The following MKNK2 variants were observed in gnomAD, a reference collection of about 807,000 sequenced individuals.
MKNK2 encodes MAP kinase-interacting serine/threonine-protein kinase 2.
In MKNK2, 54 loss-of-function variants were observed where a neutral mutation model predicts 55.0. That is an observed-to-expected ratio of 0.98 (90% confidence interval 0.79 to 1.23). MKNK2 has a LOEUF of 1.23. Among genes scored for constraint, MKNK2 ranks in the 50% most tolerant of loss-of-function variants. The pLI is 0.00. For missense variants in MKNK2, 685 were observed against 632.1 expected (o/e 1.08, Z -0.90); for synonymous variants, 323 against 256.0 (o/e 1.26, Z -2.50).
At chr19:2,050,729 G>A in intron 2 of MKNK2, 72 bp downstream of exon 2, 25 of 1,420,936 alleles carry the variant, frequency 1.8e-5, no homozygotes, top group Non-Finnish European at 2.4e-5. Context: ...TTAGGGGCGG[G>A]CCCCGCGCCC....
At chr19:2,042,354 G>T (rs1359521261) in intron 10 of MKNK2, 73 bp downstream of exon 10, 2 of 1,332,278 alleles carry the variant, frequency 1.5e-6, no homozygotes, top group African/African-American at 1.5e-5. Context: ...GCTGCTGGAT[G>T]GCCCAGGCTC....
At chr19:2,043,706 G>A in intron 5 of MKNK2, 124 bp from the exon 6 acceptor site, 4 of 884,782 alleles carry the variant, frequency 4.5e-6, no homozygotes, top group Non-Finnish European at 7.2e-6. Context: ...CTAGAAAGCA[G>A]GGCTCACGCC....
intron 2 of MKNK2, among the ~76,000 whole-genome samples, chr19:2,048,431 C>A (rs1189112159): frequency 6.6e-6 from 1 of 152,102 alleles, no homozygotes. Flanking sequence ...GCTGGGGAAC[C>A]GAGGCCCGGT....
intron 5 of MKNK2, among the ~76,000 whole-genome samples, chr19:2,045,044 CCTCT>C (rs1916430619): frequency 6.6e-6 from 1 of 152,154 alleles, no homozygotes; most frequent in Non-Finnish European, 1.5e-5. Flanking sequence ...CAGCGATTCG[CCTCT>C]CTGACTCGCC....
At chr19:2,043,833 G>A (rs1210818918) in intron 5 of MKNK2, among the ~76,000 whole-genome samples, 1 of 152,066 alleles carries the variant, frequency 6.6e-6, no homozygotes, top group Non-Finnish European at 1.5e-5. Flanking sequence ...AATTAGCTGG[G>A]TGTGGTGGTA....
rs139225148 is a variant in MKNK2, at chr19:2,039,478, C to T, written c.*135G>A. ...GCAAAAACCTTCTATAAAACACCCC[C>T]CTCAGCTGAGCTTAGTGCCTGGGAA... On this transcript the variant is annotated 3_prime_UTR_variant, in exon 14 of 14. Transcript: ENST00000250896. The T allele has an allele frequency of 3.6e-5, 51 of 1,420,176 alleles. No homozygotes were observed. The highest frequency in any genetic ancestry group is 4.4e-5 in the Non-Finnish European group (48 of 1,087,604). The allele number at this position is 1,420,176 out of a possible 1,614,324, so 88.0% of individuals were successfully genotyped here.
At chr19:2,042,745 C>A in intron 8 of MKNK2, 21 bp downstream of exon 8, 3 of 1,555,196 alleles carry the variant, frequency 1.9e-6, no homozygotes, top group South Asian at 1.2e-5. Flanking sequence ...CTAGGAGACT[C>A]CGGGCGGGGT....
intron 6 of MKNK2, 150 bp downstream of exon 6, chr19:2,043,353 G>A (rs1412185465): frequency 1.0e-5 from 10 of 989,684 alleles, no homozygotes; most frequent in Admixed American, 1.9e-5. Context: ...CCCGCCTGGG[G>A]CTGTCAGCCA....
Position 2,039,476 on chromosome 19 carries a change from C to T in MKNK2, c.*137G>A. 2.1e-6 allele frequency: 3 copies of T among 1,415,218 alleles called. No individual in the cohort carries two copies. The highest frequency in any genetic ancestry group is 1.6e-5 in the South Asian group (1 of 63,222). 87.7% of individuals were successfully genotyped at this position (1,415,218 alleles called of 1,614,324 possible). A position where few individuals can be genotyped will look rare whatever the true frequency, so the allele number is the denominator to read the frequency against. ...AAGCAAAAACCTTCTATAAAACACC[C>T]CCCTCAGCTGAGCTTAGTGCCTGGG... On this transcript the variant is annotated 3_prime_UTR_variant, in exon 14 of 14. Transcript: ENST00000250896.
chr19:2,041,318 G>A (rs72981428), intron 11 of MKNK2, 114 bp from the exon 12 acceptor site: 25,519 of 1,071,978 alleles, frequency 0.024, 392 homozygotes, highest in Middle Eastern at 0.032. Flanking sequence ...CCTAGACCAC[G>A]CACGCCTGGG....
rs780298663 is a variant in MKNK2, at chr19:2,039,827, A to G, written c.1184T>C (p.Phe395Ser). ...GTTCATGGCAATGGCCTCAGCCGCG[A>G]AGGACGTGAGGTCTTTGGCACAGCT... ...RNSCAKDLTS[F>S]AAEAIAMNRQ... Residue 395 changes from phenylalanine to serine, a missense_variant, in exon 14 of 14, where the codon TTC becomes TCC. Transcript: ENST00000250896. 1 of 1,601,880 alleles carries G rather than the reference A, an allele frequency of 6.2e-7. No homozygotes were observed. Among genetic ancestry groups the G allele is most frequent in the South Asian group, 1.1e-5 (1 of 90,974 alleles).
rs1193159433 is a variant in MKNK2, at chr19:2,043,114, C to T, written c.493+10G>A. 1 of 1,609,914 alleles carries T rather than the reference C, an allele frequency of 6.2e-7. No homozygotes were observed. Among genetic ancestry groups the T allele is most frequent in the South Asian group, 1.1e-5 (1 of 90,988 alleles). ...TCCCTCCCTCCTCACAGCCTGGAGCCCCCAGGTACCTCCCCGCATCTTCTC... is the reference window on the plus strand; with the variant it reads ...TCCCTCCCTCCTCACAGCCTGGAGCTCCCAGGTACCTCCCCGCATCTTCTC... On this transcript the variant is annotated intron_variant, in intron 7 of 13. Transcript: ENST00000250896.
rs2016774762 is a variant in MKNK2 at position 2,037,630 on chromosome 19, GGTT to G, written c.*1980_*1982del. On this transcript the variant is annotated 3_prime_UTR_variant, in exon 14 of 14. Coordinates refer to ENST00000250896, the MANE Select transcript of MKNK2 (RefSeq NM_199054.3). The stretch of plus-strand genomic sequence containing the variant: ...TCCCCCACTTTAAAAAAACTTTTGA[GGTT>G]TTTTTTTTTTTTTTGTCTTTTAAAA... The G allele has an allele frequency of 3.9e-6, 3 of 769,650 alleles. No homozygotes were observed. Among genetic ancestry groups the G allele is most frequent in the South Asian group, 4.1e-5 (1 of 24,588 alleles). 47.7% of individuals were successfully genotyped at this position (769,650 alleles called of 1,614,324 possible).
chr19:2,044,883 C>A (rs1390108362), intron 5 of MKNK2, among the ~76,000 whole-genome samples: 1 of 152,202 alleles, frequency 6.6e-6, no homozygotes, highest in East Asian at 1.9e-4. Context: ...GGGGCCTATT[C>A]TGAGGTCCCA....
intron 2 of MKNK2, among the ~76,000 whole-genome samples, chr19:2,048,393 G>A (rs1005106535): frequency 1.3e-5 from 2 of 152,180 alleles, no homozygotes; most frequent in Non-Finnish European, 2.9e-5. Flanking sequence ...GGGACTGCCG[G>A]CCCTTTACGA....
intron 10 of MKNK2, 101 bp from the exon 11 acceptor site, chr19:2,042,135 C>G: frequency 8.4e-7 from 1 of 1,188,330 alleles, no homozygotes; most frequent in Non-Finnish European, 1.1e-6. Flanking sequence ...GCTCGGACCC[C>G]GCCCCGCCGG....
chr19:2,050,250 G>A (rs1305443470), intron 2 of MKNK2, among the ~76,000 whole-genome samples: 1 of 152,190 alleles, frequency 6.6e-6, no homozygotes, highest in Non-Finnish European at 1.5e-5. Flanking sequence ...AGGGCTGAGG[G>A]GACATCCCAT....
chr19:2,037,630 GGTTT>G lies in MKNK2; in HGVS notation c.*1979_*1982del. ...TCCCCCACTTTAAAAAAACTTTTGA[GGTTT>G]TTTTTTTTTTTTTGTCTTTTAAAAA... is the stretch of plus-strand genomic sequence containing the variant. On this transcript the variant is annotated 3_prime_UTR_variant, in exon 14 of 14. Transcript: ENST00000250896. 1 of 769,698 alleles carries G rather than the reference GGTTT, an allele frequency of 1.3e-6. No homozygotes were observed. The highest frequency in any genetic ancestry group is 1.8e-6 in the Non-Finnish European group (1 of 550,210). The allele number at this position is 769,698 out of a possible 1,614,324, so 47.7% of individuals were successfully genotyped here.
rs1265716876 is a variant in MKNK2, at chr19:2,039,830, G to A, written c.1181C>T (p.Ser394Phe). 6.2e-7 allele frequency: 1 copy of A among 1,600,468 alleles called. No homozygotes were observed. The highest frequency in any genetic ancestry group is 8.5e-7 in the Non-Finnish European group (1 of 1,176,822). ...CATGGCAATGGCCTCAGCCGCGAAG[G>A]ACGTGAGGTCTTTGGCACAGCTGTT... ...QRNSCAKDLT[S>F]FAAEAIAMNR... The change falls in exon 14 of 14, where the codon TCC becomes TTC. Residue 394 changes from serine (S) to phenylalanine (F), a missense_variant. Coordinates refer to ENST00000250896, the MANE Select transcript of MKNK2 (RefSeq NM_199054.3).
Sources: allele counts gnomAD v4.1 joint callset (sites outside exome capture counted in the v4.1 genomes callset), GRCh38; gene constraint gnomAD v4.1.1; transcripts MANE v1.5; gene names NCBI Gene and HGNC (gene_info 2026-07-23, HGNC 2026-07-21).